ERC1: variants seen among roughly 807,000 people sequenced by gnomAD.
ERC1 encodes ELKS/RAB6-interacting/CAST family member 1, also known as RAB6 interacting protein 2.
Under a neutral mutation model 132.0 loss-of-function variants are expected in ERC1, and 56 were observed. The ratio of observed to expected loss-of-function variants is 0.42; its 90% CI spans 0.34 to 0.53. The LOEUF (loss-of-function observed/expected upper bound fraction) is 0.53, where lower values mean the gene tolerates loss of function less well. Ranked by LOEUF, ERC1 falls within the 20% of genes least tolerant of loss-of-function variation. The pLI, the probability that ERC1 is intolerant of heterozygous loss-of-function variation, is 0.03. For synonymous variants in ERC1, 478 were observed against 476.1 expected (o/e 1.00, Z -0.05); for missense variants, 1,202 against 1,349.9 (o/e 0.89, Z 1.72).
intron 15 of ERC1, among the ~76,000 whole-genome samples, chr12:1,316,944 G>C (rs2081780537): frequency 6.6e-6 from 1 of 152,124 alleles, no homozygotes; most frequent in Non-Finnish European, 1.5e-5. Context: ...TGGATCACCT[G>C]AGGTCAGGAG....
chr12:1,304,447 T>C lies in ERC1; in HGVS notation c.2780+14435T>C, dbSNP rs371309998. On this transcript the variant is annotated intron_variant, in intron 15 of 18. Transcript: ENST00000360905. ...AGTCATTGAGGAGGGAAAGTGGGAT[T>C]ATCGTTCTTGGCCTAATCTAATCAG... Among the ~76,000 whole-genome samples, 6 of 152,348 alleles carry C rather than the reference T, an allele frequency of 3.9e-5. No individual in the cohort carries two copies. The East Asian group carries it at 1.2e-3, about 29-fold the overall frequency.
intron 12 of ERC1, among the ~76,000 whole-genome samples, chr12:1,226,191 CT>C (rs2074561559): frequency 6.6e-6 from 1 of 152,094 alleles, no homozygotes; most frequent in Admixed American, 6.5e-5. Flanking sequence ...TAAAATGTAA[CT>C]TCTTAGTGTG....
chr12:1,196,304 A>G (rs759171678), intron 12 of ERC1, among the ~76,000 whole-genome samples: 28 of 151,994 alleles, frequency 1.8e-4, no homozygotes, highest in Non-Finnish European at 2.6e-4. Flanking sequence ...TCGTCTTTTG[A>G]GAGGAATACA....
rs369039033 is a variant in ERC1, at chr12:1,008,572, C to T, written c.-157+17250C>T. On this transcript the variant is annotated intron_variant, in intron 1 of 18. Coordinates refer to ENST00000360905, the MANE Select transcript of ERC1 (RefSeq NM_178040.4). ...GATTACAGGTGTGAGCCACCATGCC[C>T]GGCCACATTATTTTTTAATACTAGC... 7.9e-5 allele frequency among the ~76,000 whole-genome samples: 12 copies of T among 152,094 alleles called. No individual in the cohort carries two copies. The East Asian group carries it at 9.6e-4, about 12-fold the overall frequency.
intron 16 of ERC1, among the ~76,000 whole-genome samples, chr12:1,374,382 G>A (rs578239627): frequency 1.6e-4 from 24 of 151,204 alleles, no homozygotes; most frequent in South Asian, 6.3e-4. Context: ...TCTAACCACC[G>A]CCCCCCCACC....
intron 16 of ERC1, among the ~76,000 whole-genome samples, chr12:1,393,798 C>T (rs147557867): frequency 0.066 from 10,016 of 151,270 alleles, 395 homozygotes; most frequent in East Asian, 0.12. Context: ...GAGGCCGGGG[C>T]GGGCAGATCA....
Position 1,106,337 on chromosome 12 carries a change from T to TC in ERC1, c.1161+1519dup, listed in dbSNP as rs35041230. ...ATAAAAGTTCATGTAGTTAGGGACC[T>TC]CCCCCCACAACTACTTCTTCATATC... On this transcript the variant is annotated intron_variant, in intron 4 of 18. Coordinates refer to ENST00000360905, the MANE Select transcript of ERC1 (RefSeq NM_178040.4). Among the ~76,000 whole-genome samples the TC allele has an allele frequency of 2.7e-4, 41 of 152,258 alleles. 3 individuals carry two copies. The East Asian group carries it at 7.9e-3, about 29-fold the overall frequency.
rs1186965322 is a variant in ERC1 at position 1,304,779 on chromosome 12, C to CTTTTTTTTTTTTTTTTT, written c.2780+14779_2780+14795dup. Among the ~76,000 whole-genome samples, 8 of 70,082 alleles carry CTTTTTTTTTTTTTTTTT rather than the reference C, an allele frequency of 1.1e-4. 2 individuals are homozygous for CTTTTTTTTTTTTTTTTT. Among genetic ancestry groups the CTTTTTTTTTTTTTTTTT allele is most frequent in the African/African-American group, 1.5e-4 (3 of 19,560 alleles). The allele number at this position is 70,082 out of a possible 152,430, so 46.0% of individuals were successfully genotyped here. On this transcript the variant is annotated intron_variant, in intron 15 of 18. Transcript: ENST00000360905. ...GTGAAGTCTTCTGTTTGTTGTAACT[C>CTTTTTTTTTTTTTTTTT]TTTTTTTTTTTTTTTTTTTTTTTTT...
chr12:1,070,229 A>G (rs941258988), intron 2 of ERC1, among the ~76,000 whole-genome samples: 7 of 152,210 alleles, frequency 4.6e-5, no homozygotes, highest in African/African-American at 1.7e-4. Flanking sequence ...GCTACAAAGC[A>G]TGTCAGAACT....
intron 1 of ERC1, among the ~76,000 whole-genome samples, chr12:1,004,123 C>T (rs1963003944): frequency 6.6e-6 from 1 of 152,130 alleles, no homozygotes; most frequent in African/African-American, 2.4e-5. Flanking sequence ...CAGGGCATTC[C>T]TCCAAGACTC....
chr12:1,061,734 C>T (rs1028092159), intron 2 of ERC1, among the ~76,000 whole-genome samples: 3 of 151,448 alleles, frequency 2.0e-5, no homozygotes, highest in African/African-American at 7.3e-5. Flanking sequence ...TCCATATCTC[C>T]ATCTCTTGCT....
chr12:1,039,353 T>A (rs866089554), intron 2 of ERC1, among the ~76,000 whole-genome samples: 9,306 of 129,378 alleles, frequency 0.072, 403 homozygotes, highest in African/African-American at 0.12. Flanking sequence ...AAAAAAAAAA[T>A]AAAAATAAAT....
intron 2 of ERC1, among the ~76,000 whole-genome samples, chr12:1,060,721 GA>G (rs1480154586): frequency 1.2e-4 from 13 of 109,580 alleles, no homozygotes; most frequent in Admixed American, 9.5e-4. Context: ...CATAACGTGG[GA>G]AATTTTTTTT....
intron 18 of ERC1, among the ~76,000 whole-genome samples, chr12:1,459,030 G>T (rs1472686186): frequency 6.6e-6 from 1 of 152,148 alleles, no homozygotes; most frequent in African/African-American, 2.4e-5. Context: ...AGAGTGGTGG[G>T]GATGTATCAA....
At chr12:1,249,156 G>A (rs2076328127) in intron 13 of ERC1, among the ~76,000 whole-genome samples, 1 of 152,014 alleles carries the variant, frequency 6.6e-6, no homozygotes, top group African/African-American at 2.4e-5. Context: ...CCTCCAAAAT[G>A]CATGGATTAT....
intron 2 of ERC1, among the ~76,000 whole-genome samples, chr12:1,044,915 T>C (rs1970842469): frequency 6.6e-6 from 1 of 152,172 alleles, no homozygotes; most frequent in Non-Finnish European, 1.5e-5. Context: ...GACTCATCCA[T>C]GAATTATGGA....
At chr12:1,349,753 A>G (rs984962391) in intron 15 of ERC1, among the ~76,000 whole-genome samples, 26 of 152,206 alleles carry the variant, frequency 1.7e-4, no homozygotes, top group African/African-American at 5.5e-4. Flanking sequence ...AGTTGAGAAC[A>G]TAAAAGGATA....
At chr12:1,381,690 A>G (rs2088686410) in intron 16 of ERC1, among the ~76,000 whole-genome samples, 1 of 152,218 alleles carries the variant, frequency 6.6e-6, no homozygotes, top group Non-Finnish European at 1.5e-5. Flanking sequence ...AAGAAACTAG[A>G]TGCAAACCCT....
chr12:1,230,267 G>A (rs1293758552), intron 12 of ERC1, among the ~76,000 whole-genome samples: 1 of 152,044 alleles, frequency 6.6e-6, no homozygotes, highest in African/African-American at 2.4e-5. Context: ...CCAAAGTGCT[G>A]GGATTAAAGG....
Sources: gnomAD v4.1 joint callset for allele counts (sites outside exome capture counted in the v4.1 genomes callset) on GRCh38, gnomAD v4.1.1 for gene constraint, MANE v1.5 for transcripts, NCBI Gene and HGNC (gene_info 2026-07-23, HGNC 2026-07-21) for gene names.